CRYZL1: variants seen among roughly 807,000 people sequenced by gnomAD.
CRYZL1 encodes the protein ferry endosomal RAB5 effector complex subunit 4.
In CRYZL1, 34 loss-of-function variants were observed where a neutral mutation model predicts 50.6. That is an observed-to-expected ratio of 0.67 (90% confidence interval 0.51 to 0.89). The LOEUF is 0.89. CRYZL1 is among the 40% of genes least tolerant of loss of function. CRYZL1 has a pLI of 0.00. For synonymous variants in CRYZL1, 125 were observed against 134.3 expected (o/e 0.93, Z 0.48); for missense variants, 354 against 402.3 (o/e 0.88, Z 1.03).
chr21:33,618,004 T>C (rs1169750582), intron 4 of CRYZL1, among the ~76,000 whole-genome samples: 1 of 152,086 alleles, frequency 6.6e-6, no homozygotes, highest in Non-Finnish European at 1.5e-5. Flanking sequence ...TTTATAGAAA[T>C]GATGGCCGGG....
At chr21:33,595,445 G>C (rs1569081311) in intron 11 of CRYZL1, 3 of 1,368,522 alleles carry the variant, frequency 2.2e-6, no homozygotes, top group Non-Finnish European at 2.9e-6. Flanking sequence ...AGAAAGGAGA[G>C]AGACTGCCTG....
intron 2 of CRYZL1, among the ~76,000 whole-genome samples, chr21:33,628,971 TA>T (rs1293615378): frequency 2.0e-5 from 3 of 151,766 alleles, no homozygotes; most frequent in African/African-American, 7.3e-5. Flanking sequence ...GGCTCACGCC[TA>T]TAATTCCAGC....
At chr21:33,631,927 T>G (rs2087141886) in intron 1 of CRYZL1, among the ~76,000 whole-genome samples, 1 of 152,162 alleles carries the variant, frequency 6.6e-6, no homozygotes, top group Admixed American at 6.5e-5. Flanking sequence ...GCTTTCGAAG[T>G]CTTAAAGATC....
intron 1 of CRYZL1, among the ~76,000 whole-genome samples, chr21:33,635,354 T>G (rs1225711143): frequency 7.0e-6 from 1 of 143,034 alleles, no homozygotes; most frequent in African/African-American, 2.6e-5. Context: ...AACTTTTTTT[T>G]TTTTTTTTTT....
intron 4 of CRYZL1, chr21:33,617,259 AC>A: frequency 6.5e-6 from 1 of 152,968 alleles, no homozygotes; most frequent in Admixed American, 6.5e-5. Context: ...CAACTGATCC[AC>A]CCGCTTTGGC....
chr21:33,599,109 T>C, intron 9 of CRYZL1, 41 bp downstream of exon 9: 4 of 1,582,792 alleles, frequency 2.5e-6, no homozygotes, highest in Non-Finnish European at 3.4e-6. Context: ...TTCATCAAAC[T>C]AAAAAAACTA....
chr21:33,611,267 T>C (rs2086870649), intron 6 of CRYZL1, among the ~76,000 whole-genome samples: 1 of 152,186 alleles, frequency 6.6e-6, no homozygotes, highest in African/African-American at 2.4e-5. Flanking sequence ...TGCGTGGTAT[T>C]TGAAAGAGGT....
At chr21:33,601,470 C>T (rs547541227) in intron 8 of CRYZL1, among the ~76,000 whole-genome samples, 1 of 152,216 alleles carries the variant, frequency 6.6e-6, no homozygotes, top group South Asian at 2.1e-4. Flanking sequence ...GTCTCTAGTT[C>T]TTCCACACCC....
chr21:33,626,032 C>T (rs2087058717), intron 2 of CRYZL1, among the ~76,000 whole-genome samples: 2 of 151,766 alleles, frequency 1.3e-5, no homozygotes, highest in South Asian at 4.2e-4. Flanking sequence ...CAGCTCACTG[C>T]AACCTCTGCC....
intron 6 of CRYZL1, among the ~76,000 whole-genome samples, chr21:33,604,126 G>A (rs2086785512): frequency 6.6e-6 from 1 of 152,100 alleles, no homozygotes; most frequent in Admixed American, 6.6e-5. Context: ...CTAGCACTTT[G>A]GGAGGCCGAG....
At chr21:33,639,284 G>A (rs1411672077) in intron 1 of CRYZL1, among the ~76,000 whole-genome samples, 1 of 152,158 alleles carries the variant, frequency 6.6e-6, no homozygotes, top group African/African-American at 2.4e-5. Flanking sequence ...TTATCCCAAA[G>A]ATCTGAAAAT....
chr21:33,603,551 C>A lies in CRYZL1; in HGVS notation c.332-14G>T, dbSNP rs1023717013. 3.1e-6 allele frequency: 5 copies of A among 1,613,456 alleles called. No individual in the cohort carries two copies. The Admixed American group carries it at 8.3e-5, about 27-fold the overall frequency. On this transcript the variant is annotated splice_polypyrimidine_tract_variant and intron_variant, in intron 6 of 12. Coordinates refer to ENST00000381554, the MANE Select transcript of CRYZL1 (RefSeq NM_145858.3). Reference sequence around the variant, plus strand: ...CTGGTTTATGAACTATCATAAAGAACAAGAAGAAACAATCTGTTAGCAAGT... The same window carrying A: ...CTGGTTTATGAACTATCATAAAGAAAAAGAAGAAACAATCTGTTAGCAAGT...
intron 2 of CRYZL1, 92 bp from the exon 3 acceptor site, chr21:33,624,852 A>G: frequency 6.8e-7 from 1 of 1,460,808 alleles, no homozygotes; most frequent in South Asian, 1.4e-5. Context: ...ATGTAATTAA[A>G]CAAAATTAGA....
chr21:33,595,705 A>G (rs1169786905), intron 11 of CRYZL1, 26 bp downstream of exon 11: 1 of 1,611,902 alleles, frequency 6.2e-7, no homozygotes, highest in East Asian at 2.2e-5. Context: ...CAAGCCAGAA[A>G]CTCAATCAGT....
intron 6 of CRYZL1, among the ~76,000 whole-genome samples, chr21:33,609,947 G>A (rs1466014417): frequency 3.4e-5 from 5 of 147,762 alleles, no homozygotes; most frequent in South Asian, 2.2e-4. Flanking sequence ...CTTGTGATCC[G>A]CCCGCCTCGG....
chr21:33,620,245 T>C (rs537637032), intron 4 of CRYZL1, among the ~76,000 whole-genome samples: 1 of 152,304 alleles, frequency 6.6e-6, no homozygotes, highest in African/African-American at 2.4e-5. Context: ...TTCATTCGCA[T>C]AGGAGGTAAA....
intron 6 of CRYZL1, among the ~76,000 whole-genome samples, chr21:33,606,242 C>T (rs529487941): frequency 3.9e-5 from 6 of 152,244 alleles, no homozygotes; most frequent in South Asian, 4.2e-4. Flanking sequence ...GCTCAATCAA[C>T]GTATAATTTA....
At position 33,631,635 on chromosome 21, in the gene CRYZL1, C is replaced by T. The variant is rs1410652185; in HGVS notation, c.-6-78G>A. The T allele has an allele frequency of 4.3e-6, 4 of 928,288 alleles. No individual in the cohort carries two copies. The East Asian group carries it at 1.0e-4, about 24-fold the overall frequency. The allele number at this position is 928,288 out of a possible 1,614,324, so 57.5% of individuals were successfully genotyped here. Reference sequence around the variant, plus strand: ...TGTAAGCAAAAATGGAAAAACAGTGCTGGCAAAGGATAAAACGACAACTAC... The same window carrying T: ...TGTAAGCAAAAATGGAAAAACAGTGTTGGCAAAGGATAAAACGACAACTAC... On this transcript the variant is annotated intron_variant, in intron 1 of 12. Transcript: ENST00000381554.
At chr21:33,613,850 C>A (rs947488053) in intron 5 of CRYZL1, among the ~76,000 whole-genome samples, 1 of 152,156 alleles carries the variant, frequency 6.6e-6, no homozygotes, top group African/African-American at 2.4e-5. Context: ...AAGTCAGAGT[C>A]TTGGGAGCAT....
Sources: allele counts gnomAD v4.1 joint callset (sites outside exome capture counted in the v4.1 genomes callset), GRCh38; gene constraint gnomAD v4.1.1; transcripts MANE v1.5; gene names NCBI Gene and HGNC (gene_info 2026-07-23, HGNC 2026-07-21).